Variants in LRRC49 observed in about 807,000 individuals in gnomAD.
LRRC49 encodes the protein leucine rich repeat containing 49.
Under a neutral mutation model 83.3 loss-of-function variants are expected in LRRC49, and 50 were observed. The ratio of observed to expected loss-of-function variants is 0.60; its 90% CI spans 0.48 to 0.76. LRRC49 has a LOEUF of 0.76. LRRC49 is among the 30% of genes least tolerant of loss of function. LRRC49 has a pLI of 0.00. For missense variants in LRRC49, 704 were observed against 809.1 expected, an observed-to-expected ratio of 0.87 and a Z score of 1.58; for synonymous variants, 286 against 283.3, an observed-to-expected ratio of 1.01 and a Z score of -0.10.
At chr15:70,873,301 T>C (rs1375418075) in intron 2 of LRRC49, 9 of 1,403,416 alleles carry the variant, frequency 6.4e-6, no homozygotes, top group Non-Finnish European at 6.8e-6. Flanking sequence ...TAAAACATCA[T>C]ATACGGTCAA....
intron 14 of LRRC49, among the ~76,000 whole-genome samples, chr15:71,031,438 G>T (rs1183565702): frequency 6.6e-6 from 1 of 152,218 alleles, no homozygotes; most frequent in Non-Finnish European, 1.5e-5. Context: ...GTTGGCCCCT[G>T]TTGGGAGGTT....
At position 70,992,796 on chromosome 15, in the gene LRRC49, C is replaced by T. The variant is rs546771281; in HGVS notation, c.1169+8539C>T. 4.6e-5 allele frequency among the ~76,000 whole-genome samples: 7 copies of T among 152,286 alleles called. No homozygotes were observed. The South Asian group carries it at 1.2e-3, about 27-fold the overall frequency. On this transcript the variant is annotated intron_variant, in intron 11 of 15. Transcript: ENST00000260382. The stretch of plus-strand genomic sequence containing the variant: ...TGTGAGGTGTCAGTCTGCCCCTACT[C>T]GGGGGTGCCTCCCAGTTAGGCTACT...
chr15:70,908,219 T>C (rs1466254331), intron 5 of LRRC49, among the ~76,000 whole-genome samples: 1 of 152,188 alleles, frequency 6.6e-6, no homozygotes, highest in African/African-American at 2.4e-5. Context: ...TATAGCCCAA[T>C]GGGTTCTTCT....
chr15:71,024,134 G>A (rs1437022316), intron 14 of LRRC49, among the ~76,000 whole-genome samples: 1 of 152,222 alleles, frequency 6.6e-6, no homozygotes, highest in East Asian at 1.9e-4. Context: ...GCCCCTGAGG[G>A]GCAGCCACAG....
intron 3 of LRRC49, among the ~76,000 whole-genome samples, chr15:70,897,726 A>C (rs749921521): frequency 4.3e-4 from 65 of 152,340 alleles, no homozygotes; most frequent in Middle Eastern, 3.4e-3. Context: ...ACTCTCAGTC[A>C]AAAGTAAAGA....
chr15:70,871,718 G>C (rs1457127166), intron 1 of LRRC49, among the ~76,000 whole-genome samples: 1 of 151,098 alleles, frequency 6.6e-6, no homozygotes, highest in South Asian at 2.1e-4. Flanking sequence ...CTCCCAGACG[G>C]GGTGGTGGTG....
At chr15:70,890,899 A>C (rs1045579569), upstream of LRRC49, among the ~76,000 whole-genome samples, 1 of 152,126 alleles carries the variant, frequency 6.6e-6, no homozygotes, top group Admixed American at 6.5e-5. Flanking sequence ...TGTGGTATGC[A>C]GGGGGAAAAA....
chr15:70,990,193 A>G (rs1006774080), intron 11 of LRRC49, among the ~76,000 whole-genome samples: 1 of 152,104 alleles, frequency 6.6e-6, no homozygotes, highest in Non-Finnish European at 1.5e-5. Context: ...AAGTCTGCGG[A>G]GGTTACTGCT....
At chr15:70,913,791 A>G (rs1223640274) in intron 6 of LRRC49, among the ~76,000 whole-genome samples, 1 of 152,174 alleles carries the variant, frequency 6.6e-6, no homozygotes, top group East Asian at 1.9e-4. Context: ...AATAATAAAC[A>G]TATGATTTTC....
chr15:71,037,072 T>C (rs1246811486), intron 14 of LRRC49, 107 bp from the exon 15 acceptor site: 5 of 742,008 alleles, frequency 6.7e-6, no homozygotes, highest in Non-Finnish European at 1.1e-5. Context: ...CTCATTAAAA[T>C]ATATATTCAA....
intron 15 of LRRC49, among the ~76,000 whole-genome samples, chr15:71,045,277 C>T (rs2039821154): frequency 6.6e-6 from 1 of 152,160 alleles, no homozygotes; most frequent in Non-Finnish European, 1.5e-5. Context: ...TTCAAACATA[C>T]AGCAAAGTTG....
At chr15:70,982,939 G>C (rs902974913) in intron 10 of LRRC49, among the ~76,000 whole-genome samples, 1 of 152,140 alleles carries the variant, frequency 6.6e-6, no homozygotes, top group Non-Finnish European at 1.5e-5. Flanking sequence ...CAACTAAAAA[G>C]AATTATTCTA....
In LRRC49 at chr15:70,994,683, C is replaced by G. The variant is rs533144185; in HGVS notation, c.1169+10426C>G. ...AGAGATGGAGTTTTGCCATGTTGCC[C>G]AGGCTGGTCTTGAACTCTTAGGCTC... On this transcript the variant is annotated intron_variant, in intron 11 of 15. Transcript: ENST00000260382. Among the ~76,000 whole-genome samples the G allele has an allele frequency of 6.6e-5, 10 of 152,216 alleles. No homozygotes were observed. In the South Asian group the frequency reaches 2.1e-3, roughly 32 times the overall value.
Position 70,937,960 on chromosome 15 carries a change from T to A in LRRC49, c.773+1138T>A, listed in dbSNP as rs74847676. On this transcript the variant is annotated intron_variant, in intron 8 of 15. Coordinates refer to ENST00000260382, the MANE Select transcript of LRRC49 (RefSeq NM_017691.5). The stretch of plus-strand genomic sequence containing the variant: ...CAATGGAAGGGTCACTCATTTTTTT[T>A]AGGGGAATTTCCTCCTAAAAATCAT... Among the ~76,000 whole-genome samples the A allele has an allele frequency of 1.8e-3, 278 of 152,220 alleles. 2 individuals carry two copies. Among genetic ancestry groups the A allele is most frequent in the African/African-American group, 6.6e-3 (274 of 41,560 alleles).
At chr15:70,988,999 G>T (rs12910681) in intron 11 of LRRC49, among the ~76,000 whole-genome samples, 113,312 of 151,538 alleles carry the variant, frequency 0.75, 44,513 homozygotes, top group East Asian at 0.86. Context: ...TTTCTGCTGA[G>T]AGATCTGCTG....
At chr15:70,858,753 C>T (rs1329630368) in intron 1 of LRRC49, 4 of 1,151,400 alleles carry the variant, frequency 3.5e-6, no homozygotes, top group Non-Finnish European at 5.0e-6. Flanking sequence ...AAGATGTCCA[C>T]CTCTGGCCCC....
At chr15:70,990,903 C>T (rs1286179203) in intron 11 of LRRC49, among the ~76,000 whole-genome samples, 1 of 152,222 alleles carries the variant, frequency 6.6e-6, no homozygotes, top group East Asian at 1.9e-4. Context: ...GAAGTTTAAA[C>T]TTCACATGTT....
chr15:71,041,354 C>T (rs1006146127), intron 15 of LRRC49, among the ~76,000 whole-genome samples: 1 of 152,034 alleles, frequency 6.6e-6, no homozygotes, highest in Admixed American at 6.6e-5. Context: ...AGGAAGTAAA[C>T]TTATATTTGC....
chr15:70,882,240 A>G (rs540462822), intron 2 of LRRC49: 3 of 428,794 alleles, frequency 7.0e-6, no homozygotes, highest in Non-Finnish European at 1.2e-5. Flanking sequence ...AAAAGAAAAA[A>G]AAAGGTGAAA....
Sources: gnomAD v4.1 joint callset for allele counts (sites outside exome capture counted in the v4.1 genomes callset) on GRCh38, gnomAD v4.1.1 for gene constraint, MANE v1.5 for transcripts, NCBI Gene and HGNC (gene_info 2026-07-23, HGNC 2026-07-21) for gene names.